GABRB2: variants seen among roughly 807,000 people sequenced by gnomAD.
GABRB2 encodes the protein gamma-aminobutyric acid receptor subunit beta-2.
GABRB2 carries 16 observed loss-of-function variants against 54.7 expected under a neutral mutation model. The ratio of observed to expected loss-of-function variants is 0.29; its 90% CI spans 0.20 to 0.44. The LOEUF is 0.44. GABRB2 is among the 20% of genes least tolerant of loss of function. GABRB2 has a pLI of 1.00. For synonymous variants in GABRB2, 244 were observed against 233.8 expected, an observed-to-expected ratio of 1.04 and a Z score of -0.40; for missense variants, 355 against 644.0, an observed-to-expected ratio of 0.55 and a Z score of 4.86.
At chr5:161,439,565 A>C (rs1185435006) in intron 4 of GABRB2, among the ~76,000 whole-genome samples, 1 of 152,250 alleles carries the variant, frequency 6.6e-6, no homozygotes, top group African/African-American at 2.4e-5. Flanking sequence ...AGGCTAAATG[A>C]TGAATCAATA....
intron 5 of GABRB2, among the ~76,000 whole-genome samples, chr5:161,375,420 A>G (rs952078249): frequency 1.3e-5 from 2 of 152,134 alleles, no homozygotes; most frequent in African/African-American, 4.8e-5. Context: ...AGAATGGCTC[A>G]TTGTTTCAGA....
chr5:161,384,530 T>C lies in GABRB2; in HGVS notation c.541+26445A>G, dbSNP rs533426726. ...ATCCAGCCATTCAGCCATTCATTCA[T>C]CCGACACCTGCTTACTAATAGCTCC... On this transcript the variant is annotated intron_variant, in intron 5 of 9. Coordinates refer to ENST00000393959, the MANE Select transcript of GABRB2 (RefSeq NM_001371727.1). Among the ~76,000 whole-genome samples the C allele has an allele frequency of 5.9e-5, 9 of 152,290 alleles. No individual in the cohort carries two copies. In the South Asian group the frequency reaches 1.9e-3, roughly 32 times the overall value.
At chr5:161,476,746 G>T (rs1758602735) in intron 3 of GABRB2, among the ~76,000 whole-genome samples, 1 of 151,862 alleles carries the variant, frequency 6.6e-6, no homozygotes, top group South Asian at 2.1e-4. Context: ...CTAGGCAAAA[G>T]AATGAAGTTG....
chr5:161,428,840 A>G (rs1347944170), intron 4 of GABRB2, among the ~76,000 whole-genome samples: 1 of 152,148 alleles, frequency 6.6e-6, no homozygotes, highest in African/African-American at 2.4e-5. Context: ...TATTTAACCT[A>G]CTTGAGACTC....
At chr5:161,410,595 A>C (rs1330913285) in intron 5 of GABRB2, among the ~76,000 whole-genome samples, 2 of 152,212 alleles carry the variant, frequency 1.3e-5, no homozygotes, top group South Asian at 2.1e-4. Context: ...AGTTTATGAG[A>C]GGCAAAGACA....
upstream of GABRB2, chr5:161,546,854 AATAC>A (rs1196181592): frequency 2.0e-6 from 2 of 1,003,048 alleles, no homozygotes; most frequent in African/African-American, 3.3e-5. Flanking sequence ...GTATATGTAT[AATAC>A]ATACATATTT....
chr5:161,338,011 GA>G (rs1480098445), intron 5 of GABRB2, among the ~76,000 whole-genome samples: 1 of 152,138 alleles, frequency 6.6e-6, no homozygotes, highest in African/African-American at 2.4e-5. Context: ...TGACAGAGAT[GA>G]CAAGAATACC....
intron 5 of GABRB2, among the ~76,000 whole-genome samples, chr5:161,340,204 G>T (rs1445027507): frequency 1.3e-5 from 2 of 151,988 alleles, no homozygotes; most frequent in African/African-American, 2.4e-5. Flanking sequence ...TATAAGAGAT[G>T]CTGATTAGTT....
chr5:161,335,530 T>C (rs9313880), intron 6 of GABRB2, among the ~76,000 whole-genome samples: 13,311 of 152,174 alleles, frequency 0.087, 646 homozygotes, highest in Middle Eastern at 0.088. Context: ...ATCTGGGTTC[T>C]TTGATTGGAT....
chr5:161,541,115 GA>G (rs1412096807), intron 3 of GABRB2, among the ~76,000 whole-genome samples: 7 of 152,082 alleles, frequency 4.6e-5, no homozygotes, highest in African/African-American at 1.7e-4. Flanking sequence ...CAAACTGTTG[GA>G]ATTACAGGCG....
intron 5 of GABRB2, among the ~76,000 whole-genome samples, chr5:161,409,712 A>C (rs1756451776): frequency 6.6e-6 from 1 of 152,194 alleles, no homozygotes; most frequent in Non-Finnish European, 1.5e-5. Flanking sequence ...CAACAATGTG[A>C]AATTACAAAA....
At chr5:161,545,398 T>G in intron 2 of GABRB2, 104 bp from the exon 3 acceptor site, 1 of 507,438 alleles carries the variant, frequency 2.0e-6, no homozygotes, top group Non-Finnish European at 3.1e-6. Context: ...CCTTCTGCAC[T>G]ACTCAATCTC....
intron 5 of GABRB2, among the ~76,000 whole-genome samples, chr5:161,402,088 CA>C (rs1009558584): frequency 6.6e-6 from 1 of 151,070 alleles, no homozygotes; most frequent in African/African-American, 2.4e-5. Flanking sequence ...TGTTTATATA[CA>C]AATATATATA....
intron 4 of GABRB2, among the ~76,000 whole-genome samples, chr5:161,418,664 G>T (rs1482383955): frequency 6.6e-6 from 1 of 152,050 alleles, no homozygotes; most frequent in African/African-American, 2.4e-5. Flanking sequence ...TTAAACCAAA[G>T]GGCTTCTGCA....
intron 5 of GABRB2, among the ~76,000 whole-genome samples, chr5:161,341,950 T>TATATAC (rs1754174774): frequency 1.4e-5 from 1 of 69,480 alleles, no homozygotes; most frequent in Admixed American, 1.7e-4. Flanking sequence ...TATATATATA[T>TATATAC]ATATATATAT....
At chr5:161,314,552 T>C (rs1049704760) in intron 9 of GABRB2, among the ~76,000 whole-genome samples, 23 of 152,326 alleles carry the variant, frequency 1.5e-4, no homozygotes, top group African/African-American at 5.1e-4. Flanking sequence ...CAAGACTTGC[T>C]GGAGGTATTG....
intron 5 of GABRB2, among the ~76,000 whole-genome samples, chr5:161,372,909 A>G (rs970344930): frequency 9.2e-5 from 14 of 152,206 alleles, no homozygotes; most frequent in Admixed American, 9.2e-4. Context: ...CATTAAAATC[A>G]TGGGAACAGT....
chr5:161,494,053 T>A (rs1263356690), intron 3 of GABRB2, among the ~76,000 whole-genome samples: 1 of 151,758 alleles, frequency 6.6e-6, no homozygotes, highest in African/African-American at 2.4e-5. Context: ...AACCAAAATT[T>A]AAAAATCCTA....
intron 4 of GABRB2, among the ~76,000 whole-genome samples, chr5:161,438,872 A>T (rs1481661204): frequency 6.6e-6 from 1 of 152,146 alleles, no homozygotes; most frequent in Non-Finnish European, 1.5e-5. Context: ...AAAAGAAAAA[A>T]GAACGGAACA....
Sources: gnomAD v4.1 joint callset for allele counts (sites outside exome capture counted in the v4.1 genomes callset) on GRCh38, gnomAD v4.1.1 for gene constraint, MANE v1.5 for transcripts, NCBI Gene and HGNC (gene_info 2026-07-23, HGNC 2026-07-21) for gene names.